PTPRT: variants seen among roughly 807,000 people sequenced by gnomAD.
PTPRT encodes the protein receptor-type tyrosine-protein phosphatase T.
Under a neutral mutation model 176.8 loss-of-function variants are expected in PTPRT, and 56 were observed. The ratio of observed to expected loss-of-function variants is 0.32; its 90% CI spans 0.26 to 0.40. PTPRT has a LOEUF of 0.40. Ranked by LOEUF, PTPRT falls within the 10% of genes least tolerant of loss-of-function variation. The pLI, the probability that PTPRT is intolerant of heterozygous loss-of-function variation, is 1.00. For synonymous variants in PTPRT, 783 were observed against 739.0 expected, an observed-to-expected ratio of 1.06 and a Z score of -0.96; for missense variants, 1,540 against 1,908.2, an observed-to-expected ratio of 0.81 and a Z score of 3.60.
chr20:43,141,677 A>C (rs978753373), intron 1 of PTPRT, among the ~76,000 whole-genome samples: 1 of 152,204 alleles, frequency 6.6e-6, no homozygotes, highest in African/African-American at 2.4e-5. Context: ...TGGTAAGGGG[A>C]AGAATTAATG....
At chr20:43,151,452 G>A (rs886199256) in intron 1 of PTPRT, among the ~76,000 whole-genome samples, 6 of 152,118 alleles carry the variant, frequency 3.9e-5, no homozygotes, top group African/African-American at 1.4e-4. Flanking sequence ...GAAAGTTTTA[G>A]TAATTCATCT....
At chr20:42,966,953 C>T (rs1982331413) in intron 1 of PTPRT, among the ~76,000 whole-genome samples, 1 of 152,196 alleles carries the variant, frequency 6.6e-6, no homozygotes, top group Admixed American at 6.5e-5. Flanking sequence ...TCCACTTTAA[C>T]TTCCATTTGT....
At chr20:42,409,458 G>T in intron 9 of PTPRT, among the ~76,000 whole-genome samples, 1 of 123,768 alleles carries the variant, frequency 8.1e-6, no homozygotes, top group Non-Finnish European at 1.6e-5. Flanking sequence ...CTCCAGCCTG[G>T]GCAACAGAAC....
intron 19 of PTPRT, among the ~76,000 whole-genome samples, chr20:42,120,245 C>G (rs1182223823): frequency 6.6e-6 from 1 of 152,158 alleles, no homozygotes; most frequent in Non-Finnish European, 1.5e-5. Context: ...ATTGGATGGG[C>G]ATTGCTTATC....
At chr20:42,451,458 T>C (rs1318832170) in intron 8 of PTPRT, among the ~76,000 whole-genome samples, 1 of 151,994 alleles carries the variant, frequency 6.6e-6, no homozygotes, top group Non-Finnish European at 1.5e-5. Context: ...GGGCCAATGT[T>C]TGGAAATGGA....
chr20:43,004,790 T>C (rs1193212812), intron 1 of PTPRT, among the ~76,000 whole-genome samples: 1 of 152,260 alleles, frequency 6.6e-6, no homozygotes, highest in Non-Finnish European at 1.5e-5. Flanking sequence ...TTATTTGTTA[T>C]CATATCAATA....
At chr20:42,480,894 T>C (rs2071372767) in intron 7 of PTPRT, among the ~76,000 whole-genome samples, 1 of 152,194 alleles carries the variant, frequency 6.6e-6, no homozygotes, top group Non-Finnish European at 1.5e-5. Flanking sequence ...AAGCATTTAT[T>C]AGCAAATGGG....
At chr20:42,548,551 T>C (rs73102453) in intron 7 of PTPRT, among the ~76,000 whole-genome samples, 6,052 of 152,138 alleles carry the variant, frequency 0.04, 161 homozygotes, top group East Asian at 0.079. Context: ...AGAGAAAATA[T>C]AGAAGACTAT....
chr20:43,161,247 A>T (rs78130392), intron 1 of PTPRT, among the ~76,000 whole-genome samples: 3,450 of 152,198 alleles, frequency 0.023, 59 homozygotes, highest in South Asian at 0.043. Flanking sequence ...CACTGTTCAG[A>T]ACTTGGTTTG....
intron 7 of PTPRT, among the ~76,000 whole-genome samples, chr20:42,576,704 G>T (rs2073268328): frequency 6.6e-6 from 1 of 152,162 alleles, no homozygotes; most frequent in Non-Finnish European, 1.5e-5. Flanking sequence ...GTGGACTAAG[G>T]TTTAGAAAGA....
the PTPRT span, among the ~76,000 whole-genome samples, chr20:42,041,377 T>C: frequency 6.6e-6 from 1 of 152,184 alleles, no homozygotes; most frequent in Admixed American, 6.5e-5. Context: ...ATGGTGAGCA[T>C]TTCTGCCACC....
chr20:43,049,176 G>T lies in PTPRT; in HGVS notation c.88+140470C>A, dbSNP rs552924678. Among the ~76,000 whole-genome samples the T allele has an allele frequency of 5.3e-5, 8 of 152,278 alleles. No homozygotes were observed. The South Asian group carries it at 1.7e-3, about 32-fold the overall frequency. Reference sequence around the variant, plus strand: ...TTCTAGATCCAGGTCCATGGTGGTAGAGCAGATTGTGGAGATTAACATTCA... The same window carrying T: ...TTCTAGATCCAGGTCCATGGTGGTATAGCAGATTGTGGAGATTAACATTCA... On this transcript the variant is annotated intron_variant, in intron 1 of 30. Transcript: ENST00000373187.
At chr20:42,644,453 C>T (rs1218188849) in intron 7 of PTPRT, among the ~76,000 whole-genome samples, 2 of 152,148 alleles carry the variant, frequency 1.3e-5, no homozygotes, top group African/African-American at 2.4e-5. Context: ...ACAGGGCTTT[C>T]CTTTGTCTAT....
At chr20:42,626,715 A>G (rs2074296971) in intron 7 of PTPRT, among the ~76,000 whole-genome samples, 1 of 152,174 alleles carries the variant, frequency 6.6e-6, no homozygotes, top group Admixed American at 6.5e-5. Flanking sequence ...ACAGAGGGTC[A>G]GGTGGAATCC....
At chr20:42,194,749 G>A (rs1337880116) in intron 16 of PTPRT, among the ~76,000 whole-genome samples, 1 of 152,128 alleles carries the variant, frequency 6.6e-6, no homozygotes, top group East Asian at 1.9e-4. Flanking sequence ...CTTGAAATGT[G>A]ACACGTACTC....
intron 9 of PTPRT, among the ~76,000 whole-genome samples, chr20:42,417,629 C>T (rs369599372): frequency 4.7e-5 from 7 of 150,312 alleles, no homozygotes; most frequent in African/African-American, 1.7e-4. Flanking sequence ...AAGCTAATAT[C>T]TGTTTTAAAA....
intron 7 of PTPRT, among the ~76,000 whole-genome samples, chr20:42,483,164 T>C (rs1199628829): frequency 6.6e-6 from 1 of 152,140 alleles, no homozygotes; most frequent in East Asian, 1.9e-4. Context: ...CTCCCAGTTT[T>C]CACTCATTCT....
At chr20:42,592,411 C>A (rs991179500) in intron 7 of PTPRT, among the ~76,000 whole-genome samples, 5 of 152,078 alleles carry the variant, frequency 3.3e-5, no homozygotes, top group Non-Finnish European at 5.9e-5. Context: ...AACACATTAC[C>A]AAAGATGCAC....
chr20:43,060,536 T>G (rs1287371015), intron 1 of PTPRT, among the ~76,000 whole-genome samples: 3 of 152,264 alleles, frequency 2.0e-5, no homozygotes, highest in Non-Finnish European at 1.5e-5. Context: ...GCAGTCACTT[T>G]TCATCTATGT....
Sources: gnomAD v4.1 joint callset for allele counts (sites outside exome capture counted in the v4.1 genomes callset) on GRCh38, gnomAD v4.1.1 for gene constraint, MANE v1.5 for transcripts, NCBI Gene and HGNC (gene_info 2026-07-23, HGNC 2026-07-21) for gene names.